Variants in KSR2 observed in about 807,000 individuals in gnomAD.
KSR2 encodes kinase suppressor of ras 2.
Under a neutral mutation model 107.8 loss-of-function variants are expected in KSR2, and 25 were observed. The ratio of observed to expected loss-of-function variants is 0.23; its 90% CI spans 0.17 to 0.32. The LOEUF (loss-of-function observed/expected upper bound fraction) is 0.32. Ranked by LOEUF, KSR2 falls within the 10% of genes least tolerant of loss-of-function variation. The pLI, the probability that KSR2 is intolerant of heterozygous loss-of-function variation, is 1.00. For synonymous variants in KSR2, 480 were observed against 507.0 expected (o/e 0.95, Z 0.71); for missense variants, 887 against 1,268.9 (o/e 0.70, Z 4.57).
chr12:117,739,309 C>A (rs184594049), intron 4 of KSR2, among the ~76,000 whole-genome samples: 1 of 151,074 alleles, frequency 6.6e-6, no homozygotes, highest in Non-Finnish European at 1.5e-5. Flanking sequence ...GAGCCGAGAG[C>A]GCGCCACTGC....
intron 4 of KSR2, among the ~76,000 whole-genome samples, chr12:117,720,059 G>T (rs769221639): frequency 1.3e-5 from 2 of 152,226 alleles, no homozygotes; most frequent in African/African-American, 4.8e-5. Context: ...TGGGAGAGAA[G>T]CTGGGTATAG....
chr12:117,619,469 A>T (rs7311984), intron 5 of KSR2, among the ~76,000 whole-genome samples: 137,888 of 151,638 alleles, frequency 0.91, 62,946 homozygotes, highest in East Asian at 0.99. Context: ...GTGTTTGGTT[A>T]TTTGTCCTTG....
At chr12:117,515,867 A>G (rs1874339562) in intron 14 of KSR2, among the ~76,000 whole-genome samples, 1 of 152,258 alleles carries the variant, frequency 6.6e-6, no homozygotes, top group African/African-American at 2.4e-5. Context: ...CGCAGGTTGC[A>G]GTGAACTGAG....
At chr12:117,964,267 G>A (rs540054827) in intron 1 of KSR2, among the ~76,000 whole-genome samples, 5 of 152,274 alleles carry the variant, frequency 3.3e-5, no homozygotes, top group East Asian at 3.9e-4. Flanking sequence ...GCGAGACTCC[G>A]TTCTATCCTC....
chr12:117,579,204 T>C lies in KSR2; in HGVS notation c.1242-2A>G, dbSNP rs1263597100. ...GACATCCAGTACTTGGTGGAAAACC[T>C]GTGGAAAAGAGACAGAAAATGTTCA... On this transcript the variant is annotated splice_acceptor_variant, in intron 6 of 19. Coordinates refer to ENST00000339824, the MANE Select transcript of KSR2 (RefSeq NM_173598.6). LOFTEE classifies it high-confidence loss of function. The C allele has an allele frequency of 1.2e-6, 2 of 1,610,592 alleles. No homozygotes were observed. The highest frequency in any genetic ancestry group is 1.7e-5 in the Admixed American group (1 of 59,932).
At chr12:117,554,519 T>C (rs1217974824) in intron 9 of KSR2, among the ~76,000 whole-genome samples, 1 of 152,162 alleles carries the variant, frequency 6.6e-6, no homozygotes, top group African/African-American at 2.4e-5. Flanking sequence ...CATCTTGAAT[T>C]GTAGCTCCCA....
intron 3 of KSR2, among the ~76,000 whole-genome samples, chr12:117,841,616 G>C (rs146492830): frequency 1.5e-3 from 233 of 152,298 alleles, no homozygotes; most frequent in Non-Finnish European, 2.8e-3. Flanking sequence ...CCAAAGGGTT[G>C]CTCCCTCAAG....
chr12:117,916,170 T>G (rs1041469255), intron 1 of KSR2, among the ~76,000 whole-genome samples: 2 of 138,254 alleles, frequency 1.4e-5, no homozygotes, highest in African/African-American at 5.5e-5. Context: ...GGAGTCTCAC[T>G]CTGTCACCCA....
chr12:117,758,719 G>A (rs954072572), intron 4 of KSR2, among the ~76,000 whole-genome samples: 2 of 152,186 alleles, frequency 1.3e-5, no homozygotes, highest in African/African-American at 4.8e-5. Flanking sequence ...TCTAGGGAAA[G>A]GACAGCATTT....
chr12:117,966,779 T>C (rs1242520617), intron 1 of KSR2, among the ~76,000 whole-genome samples: 1 of 150,208 alleles, frequency 6.7e-6, no homozygotes, highest in African/African-American at 2.5e-5. Context: ...AAAAAAGAAA[T>C]ACCCAAAGCG....
chr12:117,912,785 T>C (rs1359559855), intron 1 of KSR2, among the ~76,000 whole-genome samples: 2 of 152,114 alleles, frequency 1.3e-5, no homozygotes, highest in East Asian at 3.8e-4. Flanking sequence ...AGTGATTTGA[T>C]CTTAACACTT....
At chr12:117,652,061 G>A (rs1883925643) in intron 5 of KSR2, among the ~76,000 whole-genome samples, 1 of 152,128 alleles carries the variant, frequency 6.6e-6, no homozygotes, top group Non-Finnish European at 1.5e-5. Flanking sequence ...ACTCAGGAAT[G>A]GAAAACCAAA....
chr12:117,475,717 T>G (rs1871736009), intron 17 of KSR2, among the ~76,000 whole-genome samples: 1 of 152,236 alleles, frequency 6.6e-6, no homozygotes, highest in African/African-American at 2.4e-5. Context: ...TATTCCATTA[T>G]GTATAAGATA....
At chr12:117,486,849 C>T (rs946695598) in intron 14 of KSR2, among the ~76,000 whole-genome samples, 3 of 152,198 alleles carry the variant, frequency 2.0e-5, no homozygotes, top group Middle Eastern at 3.4e-3. Flanking sequence ...TAGTTGAATA[C>T]GAGGATTGAA....
At chr12:117,783,327 A>G (rs1398333501) in intron 3 of KSR2, among the ~76,000 whole-genome samples, 3 of 152,224 alleles carry the variant, frequency 2.0e-5, no homozygotes, top group Non-Finnish European at 4.4e-5. Flanking sequence ...CAGCCTCTGC[A>G]TCATGTCAAC....
At chr12:117,933,651 T>C (rs1433360081) in intron 1 of KSR2, among the ~76,000 whole-genome samples, 1 of 152,148 alleles carries the variant, frequency 6.6e-6, no homozygotes, top group Non-Finnish European at 1.5e-5. Flanking sequence ...GAGCATCCTA[T>C]ATTTTATCAG....
intron 1 of KSR2, among the ~76,000 whole-genome samples, chr12:117,890,222 A>C (rs1190247498): frequency 6.6e-6 from 1 of 152,194 alleles, no homozygotes; most frequent in Non-Finnish European, 1.5e-5. Context: ...TTTGAGATCT[A>C]AGGCTCTGAA....
At chr12:117,669,954 T>A (rs1199230558) in intron 4 of KSR2, among the ~76,000 whole-genome samples, 1 of 151,094 alleles carries the variant, frequency 6.6e-6, no homozygotes, top group Non-Finnish European at 1.5e-5. Context: ...GTTGCTGAAA[T>A]AAAAAAAAAT....
In KSR2 at chr12:117,465,198, A is replaced by G. The variant is rs1310732668; in HGVS notation, c.*2001T>C. Reference sequence around the variant, plus strand: ...GTGCAAGTCCAGGCCCAGGGCTGGGACACAGAGTGTTGTGTTGGGATGGGG... The same window carrying G: ...GTGCAAGTCCAGGCCCAGGGCTGGGGCACAGAGTGTTGTGTTGGGATGGGG... On this transcript the variant is annotated 3_prime_UTR_variant, in exon 20 of 20. Transcript: ENST00000339824. The G allele has an allele frequency of 1.3e-5, 2 of 152,324 alleles. No individual in the cohort carries two copies. The highest frequency in any genetic ancestry group is 4.8e-5 in the African/African-American group (2 of 41,452). 9.4% of individuals were successfully genotyped at this position (152,324 alleles called of 1,614,324 possible). A position where few individuals can be genotyped will look rare whatever the true frequency, so the allele number is the denominator to read the frequency against.
Sources: gnomAD v4.1 joint callset for allele counts (sites outside exome capture counted in the v4.1 genomes callset) on GRCh38, gnomAD v4.1.1 for gene constraint, MANE v1.5 for transcripts, NCBI Gene and HGNC (gene_info 2026-07-23, HGNC 2026-07-21) for gene names.